Variants in ADGRE5 observed in about 807,000 individuals in gnomAD.
The protein encoded by ADGRE5 is adhesion G protein-coupled receptor E5, also known as CD97 molecule.
In ADGRE5, 72 loss-of-function variants were observed where a neutral mutation model predicts 100.3. That is an observed-to-expected ratio of 0.72 (90% CI 0.59 to 0.87). ADGRE5 has a LOEUF of 0.87. Among genes scored for constraint, ADGRE5 ranks in the 40% least tolerant of loss-of-function variants. ADGRE5 has a pLI of 0.00. For synonymous variants in ADGRE5, 439 were observed against 447.8 expected, an observed-to-expected ratio of 0.98 and a Z score of 0.25; for missense variants, 959 against 1,094.7, an observed-to-expected ratio of 0.88 and a Z score of 1.75.
chr19:14,405,434 A>T (rs1410741905), intron 13 of ADGRE5: 1 of 312,926 alleles, frequency 3.2e-6, no homozygotes, highest in East Asian at 6.4e-5. Context: ...ATGAGCCACC[A>T]CACCCAGCCT....
Position 14,401,160 on chromosome 19 carries a change from G to A in ADGRE5, c.898-226G>A, listed in dbSNP as rs562421355. ...AAAAAGAACAGGAAATCAAAACAGA[G>A]CCTGGCAGGCAGCCCGTGCCCAACC... On this transcript the variant is annotated intron_variant, in intron 9 of 19. Transcript: ENST00000242786. The surrounding 1 kb of genome is among the most constrained non-coding windows in gnomAD (Gnocchi z 4.1). Among the ~76,000 whole-genome samples the A allele has an allele frequency of 3.3e-5, 5 of 152,126 alleles. No individual in the cohort carries two copies. Among genetic ancestry groups the A allele is most frequent in the Non-Finnish European group, 7.4e-5 (5 of 68,024 alleles).
In ADGRE5 at chr19:14,406,395, G is replaced by C. The variant is rs1455216536; in HGVS notation, c.1886G>C (p.Trp629Ser). Residue 629 changes from tryptophan (W) to serine (S), a missense_variant, in exon 15 of 20, where the codon TGG becomes TCG. Physicochemically the swap from Trp to Ser is radical, Grantham distance 177 (BLOSUM62 -3). Around this residue, in one of 6 missense-constraint regions of ADGRE5, gnomAD observed 428 missense variants for 386.2 expected, o/e 1.11. Transcript: ENST00000242786. This position sits in a 1 kb window ranked among gnomAD's most constrained non-coding sequence, Gnocchi z 6.0. ...LHYCFLAAFC[W>S]MSLEGLELYF... ...TACTGTTTCCTGGCCGCCTTCTGCT[G>C]GATGAGCCTCGAAGGCCTGGAGCTC... is the stretch of plus-strand genomic sequence containing the variant. 1 of 1,593,198 alleles carries C rather than the reference G, an allele frequency of 6.3e-7. No individual in the cohort carries two copies. Among genetic ancestry groups the C allele is most frequent in the African/African-American group, 1.3e-5 (1 of 74,628 alleles).
intron 4 of ADGRE5, among the ~76,000 whole-genome samples, chr19:14,395,703 G>A (rs1352487389): frequency 6.6e-6 from 1 of 152,256 alleles, no homozygotes; most frequent in Admixed American, 6.5e-5. Context: ...ACTCGGGGCT[G>A]CCTGGCTGGA....
At chr19:14,390,779 G>A in intron 3 of ADGRE5, 145 bp from the exon 4 acceptor site, 2 of 925,012 alleles carry the variant, frequency 2.2e-6, no homozygotes, top group South Asian at 1.7e-5. Context: ...TGCTCCAGCT[G>A]CAGCATAGCC....
rs1385785303 is a variant in ADGRE5 at position 14,404,480 on chromosome 19, T to C, written c.1547T>C (p.Leu516Pro). The C allele has an allele frequency of 1.2e-6, 2 of 1,612,466 alleles. No individual in the cohort carries two copies. Among genetic ancestry groups the C allele is most frequent in the Admixed American group, 3.3e-5 (2 of 59,880 alleles). ...TGGGCCACCGAGGGCTGCCAGGTGCTGGGCAGCAAGAACGGCAGCACCACC... is the reference window on the plus strand; with the variant it reads ...TGGGCCACCGAGGGCTGCCAGGTGCCGGGCAGCAAGAACGGCAGCACCACC... The part of the protein sequence containing the change: ...GHWATEGCQV[L>P]GSKNGSTTCQ... Residue 516 changes from leucine to proline, a missense_variant, in exon 13 of 20, where the codon CTG (leucine) becomes CCG (proline). Physicochemically the swap from Leu to Pro is moderately conservative, Grantham distance 98 (BLOSUM62 -3). Around this residue, in one of 6 missense-constraint regions of ADGRE5, gnomAD observed 19 missense variants for 46.8 expected, o/e 0.41. Transcript: ENST00000242786.
At chr19:14,389,295 A>AAG (rs1373534756) in intron 3 of ADGRE5, among the ~76,000 whole-genome samples, 1 of 1,450 alleles carries the variant, frequency 6.9e-4, no homozygotes, top group African/African-American at 3.2e-3. Context: ...GGGGAAGGGG[A>AAG]GGGGAAGGGG....
chr19:14,403,654 A>T (rs1197777900), intron 12 of ADGRE5, among the ~76,000 whole-genome samples: 1 of 151,866 alleles, frequency 6.6e-6, no homozygotes, highest in Non-Finnish European at 1.5e-5. Context: ...ATGCCCAGTT[A>T]ATTAAAAACA....
rs192051710 is a variant in ADGRE5 at position 14,394,591 on chromosome 19, G to A, written c.347-1751G>A. Among the ~76,000 whole-genome samples the A allele has an allele frequency of 1.3e-4, 20 of 152,280 alleles. No individual in the cohort carries two copies. The East Asian group carries it at 3.9e-3, about 29-fold the overall frequency. On this transcript the variant is annotated intron_variant, in intron 4 of 19. Transcript: ENST00000242786. ...AAAACAAAAGGGGGCTGGCACTCAG[G>A]ATATTTCATGGGCTCATGACATGGC... is the stretch of plus-strand genomic sequence containing the variant.
At position 14,401,209 on chromosome 19, in the gene ADGRE5, C is replaced by T. The variant is rs150649671; in HGVS notation, c.898-177C>T. Among the ~76,000 whole-genome samples the T allele has an allele frequency of 7.9e-5, 12 of 152,322 alleles. No homozygotes were observed. Among genetic ancestry groups the T allele is most frequent in the African/African-American group, 2.4e-4 (10 of 41,580 alleles). ...CCAGTGTTAAGCGCTGTGATTCATACGTGCATGCAGGCAAATACTCAATCC... is the reference window on the plus strand; with the variant it reads ...CCAGTGTTAAGCGCTGTGATTCATATGTGCATGCAGGCAAATACTCAATCC... On this transcript the variant is annotated intron_variant, in intron 9 of 19. Coordinates refer to ENST00000242786, the MANE Select transcript of ADGRE5 (RefSeq NM_078481.4). This position sits in a 1 kb window ranked among gnomAD's most constrained non-coding sequence, Gnocchi z 4.1.
At chr19:14,385,990 C>T (rs113937587) in intron 1 of ADGRE5, among the ~76,000 whole-genome samples, 1 of 151,710 alleles carries the variant, frequency 6.6e-6, no homozygotes, top group African/African-American at 2.4e-5. Context: ...AGGCTGGTCT[C>T]GAACTCCCGA....
intron 4 of ADGRE5, 159 bp from the exon 5 acceptor site, chr19:14,396,183 A>AG: frequency 7.4e-7 from 1 of 1,359,922 alleles, no homozygotes; most frequent in Non-Finnish European, 1.0e-6. Flanking sequence ...AGAAGGACTG[A>AG]GCCACCACCC....
Position 14,400,557 on chromosome 19 carries a change from T to G in ADGRE5, c.898-829T>G, listed in dbSNP as rs543750396. On this transcript the variant is annotated intron_variant, in intron 9 of 19. Coordinates refer to ENST00000242786, the MANE Select transcript of ADGRE5 (RefSeq NM_078481.4). The stretch of plus-strand genomic sequence containing the variant: ...CTGTAATCCCAGCACTTTGGGAGGC[T>G]GAGGCAGGCAGATCGCCTGAGGTCA... 2.0e-4 allele frequency among the ~76,000 whole-genome samples: 31 copies of G among 152,168 alleles called. 1 individual carries two copies. In the South Asian group the frequency reaches 6.2e-3, roughly 31 times the overall value.
At chr19:14,386,693 C>CAGAAAA (rs1568306936) in intron 1 of ADGRE5, among the ~76,000 whole-genome samples, 3 of 56,558 alleles carry the variant, frequency 5.3e-5, no homozygotes, top group African/African-American at 1.4e-4. Context: ...GACTCCGTCT[C>CAGAAAA]AAAAAAAAAA....
intron 1 of ADGRE5, chr19:14,386,375 T>G (rs1975349369): frequency 1.2e-5 from 1 of 80,066 alleles, no homozygotes; most frequent in Non-Finnish European, 2.1e-5. Flanking sequence ...CAAGACTCCA[T>G]CTCAAAAAAA....
chr19:14,404,309 TAGACTC>T (rs1298225490), intron 12 of ADGRE5, 68 bp from the exon 13 acceptor site: 14 of 1,426,862 alleles, frequency 9.8e-6, no homozygotes, highest in Non-Finnish European at 1.2e-5. Context: ...GCAGCCCTCT[TAGACTC>T]AGCCCAAGCC....
intron 1 of ADGRE5, among the ~76,000 whole-genome samples, chr19:14,382,483 C>T (rs1367754807): frequency 1.3e-5 from 2 of 152,190 alleles, no homozygotes; most frequent in African/African-American, 4.8e-5. Flanking sequence ...GAGCACAACC[C>T]GTCTCCGTCT....
rs748373111 is a variant in ADGRE5 at position 14,404,464 on chromosome 19, G to A, written c.1531G>A (p.Glu511Lys). 20 of 1,612,394 alleles carry A rather than the reference G, an allele frequency of 1.2e-5. No homozygotes were observed. In the East Asian group the frequency reaches 2.7e-4, roughly 22 times the overall value. ...CGACAGGGGAGGGCACTGGGCCACC[G>A]AGGGCTGCCAGGTGCTGGGCAGCAA... is the stretch of plus-strand genomic sequence containing the variant. ...DSDRGGHWAT[E>K]GCQVLGSKNG... is the part of the protein sequence containing the mutation. Residue 511 changes from glutamate to lysine, a missense_variant, in exon 13 of 20, where the codon GAG becomes AAG. This residue lies in a region of ADGRE5 where 19 missense variants were observed against 46.8 expected (regional missense o/e 0.41). Transcript: ENST00000242786.
chr19:14,396,764 AT>A (rs1377565276), intron 5 of ADGRE5, among the ~76,000 whole-genome samples: 8 of 152,174 alleles, frequency 5.3e-5, no homozygotes, highest in African/African-American at 1.9e-4. Flanking sequence ...AAGAAGGGGA[AT>A]CTCCACTATG....
chr19:14,390,842 T>G, intron 3 of ADGRE5, 82 bp from the exon 4 acceptor site: 3 of 1,519,460 alleles, frequency 2.0e-6, no homozygotes, highest in South Asian at 1.2e-5. Context: ...GCAGGCCCCA[T>G]GTTGGGGAGT....
Sources: allele counts gnomAD v4.1 joint callset (sites outside exome capture counted in the v4.1 genomes callset), GRCh38; gene constraint gnomAD v4.1.1; regional missense constraint gnomAD v4.1.1; non-coding constraint Gnocchi (gnomAD v3.1); transcripts MANE v1.5; gene names NCBI Gene and HGNC (gene_info 2026-07-23, HGNC 2026-07-21).